PPFIBP1: variants seen among roughly 807,000 people sequenced by gnomAD.
PPFIBP1 encodes the protein PPFIB scaffold protein 1, also known as liprin-beta-1.
PPFIBP1 carries 112 observed loss-of-function variants against 137.8 expected under a neutral mutation model. That is an observed-to-expected ratio of 0.81 (90% confidence interval 0.70 to 0.95). The LOEUF (loss-of-function observed/expected upper bound fraction) is 0.95. PPFIBP1 is among the 40% of genes least tolerant of loss of function. The pLI, the probability that PPFIBP1 is intolerant of heterozygous loss-of-function variation, is 0.00. For synonymous variants in PPFIBP1, 378 were observed against 417.3 expected, an observed-to-expected ratio of 0.91 and a Z score of 1.15; for missense variants, 1,083 against 1,196.6, an observed-to-expected ratio of 0.91 and a Z score of 1.40.
At chr12:27,666,109 A>T (rs1271082334) in intron 12 of PPFIBP1, among the ~76,000 whole-genome samples, 1 of 101,194 alleles carries the variant, frequency 9.9e-6, no homozygotes, top group Non-Finnish European at 2.1e-5. Flanking sequence ...TTGGAAAATA[A>T]AGAAAAGAGA....
At chr12:27,543,880 C>CTT (rs35787446) in intron 1 of PPFIBP1, among the ~76,000 whole-genome samples, 1,655 of 105,784 alleles carry the variant, frequency 0.016, 70 homozygotes, top group African/African-American at 0.033. Flanking sequence ...CCCGCCCCTG[C>CTT]TTTTTTTTTT....
At chr12:27,555,659 A>G (rs1207318209) in intron 1 of PPFIBP1, among the ~76,000 whole-genome samples, 1 of 152,222 alleles carries the variant, frequency 6.6e-6, no homozygotes, top group African/African-American at 2.4e-5. Context: ...TCACTTGGCG[A>G]TGATATAGCA....
At chr12:27,644,088 T>C (rs183619665) in intron 4 of PPFIBP1, among the ~76,000 whole-genome samples, 282 of 152,054 alleles carry the variant, frequency 1.9e-3, no homozygotes, top group Non-Finnish European at 2.8e-3. Flanking sequence ...TGTTTGTTTG[T>C]TTTCTTAAGA....
At chr12:27,528,494 T>C (rs1944031743) in intron 1 of PPFIBP1, among the ~76,000 whole-genome samples, 1 of 152,192 alleles carries the variant, frequency 6.6e-6, no homozygotes, top group Non-Finnish European at 1.5e-5. Context: ...TTGTCATATA[T>C]GTCACTGCCG....
At chr12:27,611,157 T>C (rs2055065292) in intron 2 of PPFIBP1, among the ~76,000 whole-genome samples, 1 of 152,180 alleles carries the variant, frequency 6.6e-6, no homozygotes, top group African/African-American at 2.4e-5. Context: ...TGAAAGACAG[T>C]TGGTTGAATG....
At chr12:27,664,539 C>T in intron 12 of PPFIBP1, 93 bp downstream of exon 12, 3 of 809,982 alleles carry the variant, frequency 3.7e-6, no homozygotes, top group Non-Finnish European at 6.2e-6. Flanking sequence ...CTGGATCATA[C>T]CCATTGTCCC....
intron 1 of PPFIBP1, among the ~76,000 whole-genome samples, chr12:27,573,534 G>A (rs942400023): frequency 3.9e-5 from 6 of 152,122 alleles, no homozygotes; most frequent in African/African-American, 9.7e-5. Context: ...AGAAAAAGCC[G>A]GCCATCCTGG....
chr12:27,599,303 C>T (rs1592749068), intron 2 of PPFIBP1: 1 of 301,522 alleles, frequency 3.3e-6, no homozygotes, highest in Non-Finnish European at 6.7e-6. Context: ...AAACAAAACA[C>T]TGAGTAAAGG....
At chr12:27,530,476 T>C (rs1283285642) in intron 1 of PPFIBP1, among the ~76,000 whole-genome samples, 2 of 152,218 alleles carry the variant, frequency 1.3e-5, no homozygotes, top group Non-Finnish European at 2.9e-5. Context: ...AATGTGTGAC[T>C]TTGCATAACT....
chr12:27,580,404 G>A (rs1177315836), intron 2 of PPFIBP1, among the ~76,000 whole-genome samples: 2 of 152,086 alleles, frequency 1.3e-5, no homozygotes, highest in African/African-American at 2.4e-5. Context: ...ACTTTGTCTC[G>A]TGACCTTTCT....
chr12:27,672,527 GAGAA>G lies in PPFIBP1; in HGVS notation c.1319+48_1319+51del, dbSNP rs752602946. ...AATGTGAAAAATGTGATTGAGGCTA[GAGAA>G]AGAGAGTTCTGTTATACTAACAATT... On this transcript the variant is annotated intron_variant, in intron 15 of 29. Coordinates refer to ENST00000228425, the MANE Select transcript of PPFIBP1 (RefSeq NM_003622.4). The G allele has an allele frequency of 1.3e-5, 18 of 1,412,128 alleles. No homozygotes were observed. The African/African-American group carries it at 1.4e-4, about 11-fold the overall frequency. 87.5% of individuals were successfully genotyped at this position (1,412,128 alleles called of 1,614,324 possible).
chr12:27,546,811 C>G (rs763389558), intron 1 of PPFIBP1, among the ~76,000 whole-genome samples: 1 of 151,980 alleles, frequency 6.6e-6, no homozygotes, highest in Non-Finnish European at 1.5e-5. Flanking sequence ...CCCAGGAGTT[C>G]GAGACCAGCC....
At chr12:27,551,964 C>T (rs1465064190) in intron 1 of PPFIBP1, among the ~76,000 whole-genome samples, 3 of 152,288 alleles carry the variant, frequency 2.0e-5, no homozygotes, top group East Asian at 1.9e-4. Flanking sequence ...TAGCAGACTG[C>T]GTTCCAGGTC....
At chr12:27,655,380 G>A in intron 8 of PPFIBP1, 1 of 550,790 alleles carries the variant, frequency 1.8e-6, no homozygotes, top group Non-Finnish European at 3.2e-6. Flanking sequence ...GCTGATTGAA[G>A]GGACAATGGG....
chr12:27,623,247 C>G (rs1479405907), intron 2 of PPFIBP1, among the ~76,000 whole-genome samples: 1 of 152,162 alleles, frequency 6.6e-6, no homozygotes, highest in African/African-American at 2.4e-5. Flanking sequence ...CTCCATAATA[C>G]TGGGGACTAA....
chr12:27,667,402 A>G, intron 13 of PPFIBP1, 82 bp downstream of exon 13: 1 of 1,229,024 alleles, frequency 8.1e-7, no homozygotes, highest in African/African-American at 1.5e-5. Flanking sequence ...TAACATGAAA[A>G]ACATGGGTTC....
chr12:27,663,831 C>T (rs1441710324), intron 11 of PPFIBP1, among the ~76,000 whole-genome samples: 1 of 145,792 alleles, frequency 6.9e-6, no homozygotes, highest in African/African-American at 2.6e-5. Flanking sequence ...CAGAGCGAGA[C>T]CCTGTCTCAA....
At chr12:27,638,775 G>A (rs553882969) in intron 4 of PPFIBP1, among the ~76,000 whole-genome samples, 14 of 152,288 alleles carry the variant, frequency 9.2e-5, no homozygotes, top group Admixed American at 2.0e-4. Context: ...ACATTCCTCT[G>A]ACTGAAGAGA....
chr12:27,645,942 G>T (rs898544891), intron 4 of PPFIBP1, 120 bp from the exon 5 acceptor site: 2 of 698,686 alleles, frequency 2.9e-6, no homozygotes, highest in Non-Finnish European at 4.9e-6. Flanking sequence ...CTGTTTGACA[G>T]TGACAGCTGT....
Sources: gnomAD v4.1 joint callset for allele counts (sites outside exome capture counted in the v4.1 genomes callset) on GRCh38, gnomAD v4.1.1 for gene constraint, MANE v1.5 for transcripts, NCBI Gene and HGNC (gene_info 2026-07-23, HGNC 2026-07-21) for gene names.